TPRG1: variants seen among roughly 807,000 people sequenced by gnomAD.
TPRG1 encodes the protein tumor protein p63-regulated gene 1 protein.
In TPRG1, 29 loss-of-function variants were observed where a neutral mutation model predicts 29.3. That is an observed-to-expected ratio of 0.99 (90% CI 0.74 to 1.35). The LOEUF is 1.35. TPRG1 is among the 40% of genes most tolerant of loss of function. The pLI, the probability that TPRG1 is intolerant of heterozygous loss-of-function variation, is 0.00. For missense variants in TPRG1, 327 were observed against 335.0 expected (o/e 0.98, Z 0.19); for synonymous variants, 130 against 116.8 (o/e 1.11, Z -0.73).
chr3:189,205,907 T>A (rs1172616431), intron 1 of TPRG1, among the ~76,000 whole-genome samples: 1 of 152,142 alleles, frequency 6.6e-6, no homozygotes, highest in East Asian at 1.9e-4. Context: ...CATCTAGAGA[T>A]AACTATTGTT....
intron 4 of TPRG1, among the ~76,000 whole-genome samples, chr3:189,070,509 T>TG (rs1469631672): frequency 7.9e-5 from 12 of 152,228 alleles, no homozygotes; most frequent in Admixed American, 6.5e-5. Flanking sequence ...GATTGTGCTA[T>TG]GATAGTATAG....
At chr3:189,214,316 A>C (rs1735705428) in intron 2 of TPRG1, among the ~76,000 whole-genome samples, 1 of 152,248 alleles carries the variant, frequency 6.6e-6, no homozygotes, top group Admixed American at 6.5e-5. Context: ...AATTATGTGA[A>C]TACAGGAAGA....
chr3:189,241,591 G>A (rs1396591312), intron 4 of TPRG1, among the ~76,000 whole-genome samples: 1 of 151,638 alleles, frequency 6.6e-6, no homozygotes, highest in African/African-American at 2.4e-5. Flanking sequence ...ATGACCTTTA[G>A]TTTTGGGGTA....
intron 2 of TPRG1, among the ~76,000 whole-genome samples, chr3:189,214,972 A>G (rs1364671231): frequency 6.9e-6 from 1 of 145,044 alleles, no homozygotes; most frequent in Non-Finnish European, 1.5e-5. Flanking sequence ...AAAAATGTAC[A>G]GATTCCTAAA....
intron 1 of TPRG1, among the ~76,000 whole-genome samples, chr3:189,126,639 A>G (rs1722530251): frequency 6.6e-6 from 1 of 152,174 alleles, no homozygotes; most frequent in African/African-American, 2.4e-5. Context: ...ATTATTTCCT[A>G]GCTCTATGAC....
At chr3:189,217,214 A>G (rs1023342622) in intron 3 of TPRG1, among the ~76,000 whole-genome samples, 2 of 152,202 alleles carry the variant, frequency 1.3e-5, no homozygotes, top group African/African-American at 4.8e-5. Flanking sequence ...TTTAACATCA[A>G]CTACAATGAT....
chr3:189,071,581 T>C (rs368460107), intron 4 of TPRG1, among the ~76,000 whole-genome samples: 2 of 152,190 alleles, frequency 1.3e-5, no homozygotes, highest in East Asian at 3.9e-4. Context: ...AGCACACAGG[T>C]ACAGAAAAAG....
At position 189,066,642 on chromosome 3, in the gene TPRG1, A is replaced by G. The variant is rs531274001; in HGVS notation, c.-463+42696A>G. Among the ~76,000 whole-genome samples the G allele has an allele frequency of 3.9e-5, 6 of 152,184 alleles. No individual in the cohort carries two copies. The East Asian group carries it at 9.6e-4, about 24-fold the overall frequency. Reference sequence around the variant, plus strand: ...CCTTCATGATAAAAACCTTAAAAAAAAAAAACTGGCTATAGAAGAAACATG... The same window carrying G: ...CCTTCATGATAAAAACCTTAAAAAAGAAAAACTGGCTATAGAAGAAACATG... On this transcript the variant is annotated intron_variant, in intron 4 of 10. Transcript: ENST00000433971.
intron 1 of TPRG1, among the ~76,000 whole-genome samples, chr3:189,126,272 G>T (rs890321423): frequency 6.6e-6 from 1 of 152,106 alleles, no homozygotes; most frequent in African/African-American, 2.4e-5. Context: ...TTCTCATAAG[G>T]TGGCATGACC....
At chr3:189,063,722 A>G (rs570575620) in intron 4 of TPRG1, among the ~76,000 whole-genome samples, 2 of 152,316 alleles carry the variant, frequency 1.3e-5, no homozygotes, top group South Asian at 4.1e-4. Context: ...ATTAAATTGA[A>G]ACAATAATGT....
chr3:189,250,873 A>G (rs1742135793), intron 4 of TPRG1, among the ~76,000 whole-genome samples: 2 of 152,016 alleles, frequency 1.3e-5, no homozygotes. Flanking sequence ...ACCCAGGAAA[A>G]GGCAGAGCTG....
chr3:189,152,107 T>C (rs537498249), intron 5 of TPRG1, among the ~76,000 whole-genome samples: 48 of 152,240 alleles, frequency 3.2e-4, no homozygotes, highest in African/African-American at 1.1e-3. Context: ...AGGCTCTTAT[T>C]CTCGTGCTTC....
At chr3:189,235,232 T>TTG (rs1484051910) in intron 3 of TPRG1, among the ~76,000 whole-genome samples, 6 of 150,968 alleles carry the variant, frequency 4.0e-5, no homozygotes, top group African/African-American at 1.5e-4. Context: ...TTTTTTTTTT[T>TTG]TTCCAAAGGA....
At chr3:189,184,536 CT>C (rs139161351) in intron 1 of TPRG1, among the ~76,000 whole-genome samples, 17,800 of 152,104 alleles carry the variant, frequency 0.12, 1,280 homozygotes, top group African/African-American at 0.19. Flanking sequence ...GGGAAGATTT[CT>C]TTTTCCTTCT....
chr3:189,019,496 G>A (rs1052764467), intron 3 of TPRG1, among the ~76,000 whole-genome samples: 1 of 152,162 alleles, frequency 6.6e-6, no homozygotes, highest in African/African-American at 2.4e-5. Flanking sequence ...TAATCATATG[G>A]TTTTTGTCTT....
intron 4 of TPRG1, among the ~76,000 whole-genome samples, chr3:189,291,601 A>T (rs1719012868): frequency 6.6e-6 from 1 of 152,204 alleles, no homozygotes; most frequent in African/African-American, 2.4e-5. Flanking sequence ...TTTTCACACT[A>T]ATTTTTGATT....
chr3:189,123,497 C>G (rs943376893), intron 1 of TPRG1: 1 of 152,156 alleles, frequency 6.6e-6, no homozygotes, highest in Non-Finnish European at 1.5e-5. Context: ...GAACCTGCTA[C>G]CCAATCTGTT....
chr3:189,075,566 A>G (rs1475562866), intron 4 of TPRG1, among the ~76,000 whole-genome samples: 2 of 152,154 alleles, frequency 1.3e-5, no homozygotes, highest in African/African-American at 4.8e-5. Context: ...CTCCCTGGTC[A>G]GTATTTTGCA....
chr3:189,142,492 C>T (rs907145338), intron 3 of TPRG1, among the ~76,000 whole-genome samples: 3 of 152,166 alleles, frequency 2.0e-5, no homozygotes, highest in African/African-American at 7.2e-5. Context: ...TCTATCTCCT[C>T]CTTGTCACTT....
Sources: allele counts gnomAD v4.1 joint callset (sites outside exome capture counted in the v4.1 genomes callset), GRCh38; gene constraint gnomAD v4.1.1; transcripts MANE v1.5; gene names NCBI Gene and HGNC (gene_info 2026-07-23, HGNC 2026-07-21).